The following ARMC1 variants were observed in gnomAD, a reference collection of about 807,000 sequenced individuals.
The protein encoded by ARMC1 is armadillo repeat-containing protein 1.
A neutral mutation model predicts 31.4 loss-of-function variants in ARMC1; 16 were observed. The observed-to-expected ratio is 0.51, with a 90% CI of 0.34 to 0.77. The LOEUF (loss-of-function observed/expected upper bound fraction) is 0.77, where lower values mean the gene tolerates loss of function less well. ARMC1 is among the 30% of genes least tolerant of loss of function. The probability of loss-of-function intolerance (pLI) is 0.01; values close to 1 mark genes in which losing one functional copy is unlikely to be tolerated. For synonymous variants in ARMC1, 114 were observed against 118.9 expected (o/e 0.96, Z 0.27); for missense variants, 259 against 347.5 (o/e 0.75, Z 2.02).
intron 3 of ARMC1, among the ~76,000 whole-genome samples, chr8:65,614,294 C>G (rs1291442120): frequency 6.6e-6 from 1 of 152,182 alleles, no homozygotes; most frequent in African/African-American, 2.4e-5. Context: ...TACTACAGAT[C>G]CTCACATCAA....
intron 3 of ARMC1, among the ~76,000 whole-genome samples, chr8:65,617,067 C>G (rs942401876): frequency 6.6e-6 from 1 of 151,518 alleles, no homozygotes; most frequent in African/African-American, 2.4e-5. Flanking sequence ...GCCCAGCCGC[C>G]CCTTCTGGGA....
At chr8:65,626,924 G>C (rs1808522942) in intron 2 of ARMC1, among the ~76,000 whole-genome samples, 1 of 151,854 alleles carries the variant, frequency 6.6e-6, no homozygotes, top group Non-Finnish European at 1.5e-5. Context: ...CTGAGGTCGG[G>C]GGGATGGTTT....
intron 1 of ARMC1, among the ~76,000 whole-genome samples, chr8:65,629,154 C>CAAAAAAAAAAAAAA (rs761505047): frequency 1.3e-5 from 1 of 77,066 alleles, no homozygotes. Flanking sequence ...GACTCCATCT[C>CAAAAAAAAAAAAAA]AAAAAAAAAA....
At chr8:65,621,251 T>C (rs1808387720) in intron 3 of ARMC1, among the ~76,000 whole-genome samples, 2 of 152,304 alleles carry the variant, frequency 1.3e-5, no homozygotes, top group South Asian at 4.1e-4. Context: ...TTAATTCTCT[T>C]ATAAACCAGT....
intron 2 of ARMC1, among the ~76,000 whole-genome samples, chr8:65,623,650 C>T (rs1808447128): frequency 6.6e-6 from 1 of 151,934 alleles, no homozygotes; most frequent in Non-Finnish European, 1.5e-5. Flanking sequence ...ATATCAAAGA[C>T]ATCATAATTA....
chr8:65,608,891 A>C (rs1808061679), intron 4 of ARMC1, among the ~76,000 whole-genome samples: 1 of 152,144 alleles, frequency 6.6e-6, no homozygotes, highest in African/African-American at 2.4e-5. Context: ...AGCCTGGGCG[A>C]CAGAGTGAGA....
chr8:65,613,143 A>G, intron 4 of ARMC1, 101 bp downstream of exon 4: 1 of 986,368 alleles, frequency 1.0e-6, no homozygotes, highest in Non-Finnish European at 1.4e-6. Context: ...TTTATCAGTA[A>G]AATACTGATA....
In ARMC1 at chr8:65,604,378, G is replaced by C; in HGVS notation, c.*16C>G. On this transcript the variant is annotated 3_prime_UTR_variant, in exon 7 of 7. Coordinates refer to ENST00000276569, the MANE Select transcript of ARMC1 (RefSeq NM_018120.6). ...CCCCTTGTTGGTTCACACAGTCCTT[G>C]AGCCCAAAAGTGAAGTCACCAATAA... is the stretch of plus-strand genomic sequence containing the variant. The C allele has an allele frequency of 6.2e-7, 1 of 1,610,066 alleles. No homozygotes were observed. The highest frequency in any genetic ancestry group is 8.5e-7 in the Non-Finnish European group (1 of 1,177,554).
chr8:65,605,588 T>C, intron 4 of ARMC1, 50 bp from the exon 5 acceptor site: 6 of 1,331,364 alleles, frequency 4.5e-6, no homozygotes, highest in South Asian at 1.2e-5. Context: ...TAAAAGGTAA[T>C]AAATCAGTGA....
intron 1 of ARMC1, among the ~76,000 whole-genome samples, chr8:65,631,203 G>A (rs951384123): frequency 6.6e-6 from 1 of 152,158 alleles, no homozygotes; most frequent in African/African-American, 2.4e-5. Flanking sequence ...ATGATAACAA[G>A]TTACTCTGAC....
In ARMC1 at chr8:65,627,351, C is replaced by A; in HGVS notation, c.48G>T (p.Ser16=). Reference sequence around the variant, plus strand: ...CTAGATCCCGTAACTGGTTAACTACCGATAGAGCGTCAGGCTCTTCACTCA... The same window carrying A: ...CTAGATCCCGTAACTGGTTAACTACAGATAGAGCGTCAGGCTCTTCACTCA... ...STMSEEPDAL[S]VVNQLRDLAA... The change falls in exon 2 of 7, where the codon TCG becomes TCT. Residue 16 remains serine (S), a synonymous_variant. Transcript: ENST00000276569. The A allele has an allele frequency of 6.2e-7, 1 of 1,611,848 alleles. No individual in the cohort carries two copies. The highest frequency in any genetic ancestry group is 1.1e-5 in the South Asian group (1 of 90,838).
chr8:65,631,579 C>G (rs769964864), intron 1 of ARMC1, among the ~76,000 whole-genome samples: 3 of 152,106 alleles, frequency 2.0e-5, no homozygotes, highest in Non-Finnish European at 4.4e-5. Flanking sequence ...TGGATTGCAG[C>G]GTTCACAAAG....
intron 4 of ARMC1, among the ~76,000 whole-genome samples, chr8:65,612,554 A>G (rs963840753): frequency 1.3e-5 from 2 of 152,114 alleles, no homozygotes; most frequent in African/African-American, 4.8e-5. Context: ...TCTAATTTGC[A>G]TTCACTGTGC....
intron 3 of ARMC1, among the ~76,000 whole-genome samples, chr8:65,621,305 T>C (rs569953973): frequency 1.3e-5 from 2 of 152,160 alleles, no homozygotes; most frequent in Non-Finnish European, 2.9e-5. Context: ...AGGGGAGAAA[T>C]AGCCAAGTAT....
At chr8:65,612,478 A>G (rs907880736) in intron 4 of ARMC1, among the ~76,000 whole-genome samples, 1 of 151,992 alleles carries the variant, frequency 6.6e-6, no homozygotes, top group Non-Finnish European at 1.5e-5. Flanking sequence ...AGGAAAAAAA[A>G]AGAAATGTGT....
intron 1 of ARMC1, among the ~76,000 whole-genome samples, chr8:65,630,673 G>A (rs1338419330): frequency 6.6e-6 from 1 of 152,090 alleles, no homozygotes; most frequent in Admixed American, 6.5e-5. Context: ...ACAAAAATTA[G>A]CTGGGCATGG....
intron 2 of ARMC1, among the ~76,000 whole-genome samples, chr8:65,623,271 G>T (rs528340882): frequency 9.6e-5 from 11 of 114,896 alleles, no homozygotes; most frequent in Non-Finnish European, 1.5e-4. Flanking sequence ...TCGTGCTGCC[G>T]CACTCCAGCC....
Position 65,605,349 on chromosome 8 carries a change from T to TA in ARMC1, c.583-13dup. ...GCTGATGCCAAAGCCTAAGCCAAGA[T>TA]AAAAAGGAACAATTTTGAAATTGAT... On this transcript the variant is annotated splice_polypyrimidine_tract_variant and intron_variant, in intron 5 of 6. Coordinates refer to ENST00000276569, the MANE Select transcript of ARMC1 (RefSeq NM_018120.6). 1 of 1,613,590 alleles carries TA rather than the reference T, an allele frequency of 6.2e-7. No homozygotes were observed. The highest frequency in any genetic ancestry group is 8.5e-7 in the Non-Finnish European group (1 of 1,179,808).
intron 3 of ARMC1, among the ~76,000 whole-genome samples, chr8:65,614,254 A>T (rs548830323): frequency 6.6e-6 from 1 of 152,178 alleles, no homozygotes; most frequent in Non-Finnish European, 1.5e-5. Flanking sequence ...CAGCTCTAAC[A>T]AAAGTTTTCA....
Sources: gnomAD v4.1 joint callset for allele counts (sites outside exome capture counted in the v4.1 genomes callset) on GRCh38, gnomAD v4.1.1 for gene constraint, MANE v1.5 for transcripts, NCBI Gene and HGNC (gene_info 2026-07-23, HGNC 2026-07-21) for gene names.